KCNJ4: variants seen among roughly 807,000 people sequenced by gnomAD.
KCNJ4 encodes potassium inwardly rectifying channel subfamily J member 4.
Under a neutral mutation model 25.6 loss-of-function variants are expected in KCNJ4, and 3 were observed. That is an observed-to-expected ratio of 0.12 (90% CI 0.05 to 0.30). The LOEUF (loss-of-function observed/expected upper bound fraction) is 0.30, where lower values mean the gene tolerates loss of function less well. Among genes scored for constraint, KCNJ4 ranks in the 10% least tolerant of loss-of-function variants. KCNJ4 has a pLI of 1.00. For missense variants in KCNJ4, 286 were observed against 666.8 expected, an observed-to-expected ratio of 0.43 and a Z score of 6.29; for synonymous variants, 257 against 283.9, an observed-to-expected ratio of 0.91 and a Z score of 0.95.
At chr22:38,432,209 T>C (rs1405482787) in intron 1 of KCNJ4, among the ~76,000 whole-genome samples, 4 of 151,032 alleles carry the variant, frequency 2.6e-5, no homozygotes, top group African/African-American at 2.4e-5. Flanking sequence ...TGAGCCAAGA[T>C]TGAGTGACCG....
intron 1 of KCNJ4, among the ~76,000 whole-genome samples, chr22:38,454,515 C>T (rs1179171023): frequency 6.6e-6 from 1 of 152,172 alleles, no homozygotes; most frequent in African/African-American, 2.4e-5. Flanking sequence ...GGTCGTGTGG[C>T]GCCAAGTAGG....
intron 1 of KCNJ4, among the ~76,000 whole-genome samples, chr22:38,441,422 C>T (rs2089332327): frequency 6.6e-6 from 1 of 152,168 alleles, no homozygotes; most frequent in African/African-American, 2.4e-5. Context: ...CATCCCCGCA[C>T]TCCAGCATGG....
rs558655191 is a variant in KCNJ4, at chr22:38,426,553, C to T, written c.*242G>A. On this transcript the variant is annotated 3_prime_UTR_variant, in exon 2 of 2. Transcript: ENST00000303592. ...GTCAGTGGGGGAAGGGTGGTGGATC[C>T]GGGGACCTAGAGCCACCAGAAGTAG... is the stretch of plus-strand genomic sequence containing the variant. 9 of 505,150 alleles carry T rather than the reference C, an allele frequency of 1.8e-5. No individual in the cohort carries two copies. Among genetic ancestry groups the T allele is most frequent in the African/African-American group, 3.9e-5 (2 of 51,930 alleles). The allele number at this position is 505,150 out of a possible 1,614,324, so 31.3% of individuals were successfully genotyped here. A position where few individuals can be genotyped will look rare whatever the true frequency, so the allele number is the denominator to read the frequency against.
chr22:38,442,544 C>A (rs369749301), intron 1 of KCNJ4, among the ~76,000 whole-genome samples: 268 of 93,828 alleles, frequency 2.9e-3, no homozygotes, highest in South Asian at 4.7e-3. Context: ...AAGACTCCAT[C>A]AAAAAAAAAA....
chr22:38,440,069 G>C (rs1490658068), intron 1 of KCNJ4, among the ~76,000 whole-genome samples: 1 of 147,520 alleles, frequency 6.8e-6, no homozygotes, highest in Non-Finnish European at 1.5e-5. Context: ...CTGCACTCCA[G>C]CCTGGGTGAC....
At chr22:38,435,166 C>A (rs1320700168) in intron 1 of KCNJ4, among the ~76,000 whole-genome samples, 1 of 152,124 alleles carries the variant, frequency 6.6e-6, no homozygotes, top group South Asian at 2.1e-4. Flanking sequence ...ATGTACAAAA[C>A]GAGGCACCCA....
chr22:38,434,395 C>T (rs2145936247), intron 1 of KCNJ4, among the ~76,000 whole-genome samples: 1 of 152,342 alleles, frequency 6.6e-6, no homozygotes, highest in East Asian at 1.9e-4. Context: ...CTCATTGAAG[C>T]ATCACTGTAT....
At chr22:38,442,445 G>A (rs910729637) in intron 1 of KCNJ4, among the ~76,000 whole-genome samples, 6 of 151,236 alleles carry the variant, frequency 4.0e-5, no homozygotes, top group East Asian at 2.0e-4. Context: ...TACTCGGGAG[G>A]CTGAGGAAGG....
intron 1 of KCNJ4, among the ~76,000 whole-genome samples, chr22:38,446,015 C>G (rs1176300636): frequency 2.0e-5 from 3 of 152,218 alleles, no homozygotes; most frequent in Admixed American, 6.5e-5. Flanking sequence ...AACAGGGACT[C>G]TTTGGGGTCT....
intron 1 of KCNJ4, among the ~76,000 whole-genome samples, chr22:38,446,055 T>C (rs1161089382): frequency 1.3e-5 from 2 of 152,204 alleles, no homozygotes; most frequent in Non-Finnish European, 2.9e-5. Flanking sequence ...GGTCTTTTAA[T>C]AGAGCCCCCT....
chr22:38,441,953 A>T (rs991536577), intron 1 of KCNJ4, among the ~76,000 whole-genome samples: 1 of 152,238 alleles, frequency 6.6e-6, no homozygotes, highest in Non-Finnish European at 1.5e-5. Flanking sequence ...GGCAACAGTG[A>T]TGAGCGGTGA....
intron 1 of KCNJ4, among the ~76,000 whole-genome samples, chr22:38,451,269 T>C (rs1236001428): frequency 6.6e-6 from 1 of 152,166 alleles, no homozygotes; most frequent in Non-Finnish European, 1.5e-5. Context: ...CAGGTGCTCA[T>C]CTGGCTCTGC....
At chr22:38,431,511 G>C (rs888099578) in intron 1 of KCNJ4, among the ~76,000 whole-genome samples, 1 of 152,190 alleles carries the variant, frequency 6.6e-6, no homozygotes, top group Non-Finnish European at 1.5e-5. Context: ...CCCACAGCAG[G>C]TGTCCTGAGC....
intron 1 of KCNJ4, among the ~76,000 whole-genome samples, chr22:38,451,522 G>T (rs536868044): frequency 1.8e-4 from 27 of 152,206 alleles, no homozygotes; most frequent in Non-Finnish European, 3.5e-4. Context: ...GGGGTGAGGG[G>T]ATCTGGAGAG....
intron 1 of KCNJ4, among the ~76,000 whole-genome samples, chr22:38,435,881 C>A (rs2093064100): frequency 6.6e-6 from 1 of 152,060 alleles, no homozygotes; most frequent in South Asian, 2.1e-4. Context: ...GCCCACGGCT[C>A]TTTGAGCTGT....
Position 38,447,472 on chromosome 22 carries a change from C to T in KCNJ4, c.-40+7508G>A, listed in dbSNP as rs1462581728. On this transcript the variant is annotated intron_variant, in intron 1 of 1. Coordinates refer to ENST00000303592, the MANE Select transcript of KCNJ4 (RefSeq NM_152868.3). ...CCTCCCCTGTATGGCCCCAAGGAGC[C>T]CCTAATTGCGGACCCCATCCCATTT... Among the ~76,000 whole-genome samples the T allele has an allele frequency of 2.6e-5, 4 of 152,234 alleles. No individual in the cohort carries two copies. The South Asian group carries it at 8.3e-4, about 32-fold the overall frequency.
intron 1 of KCNJ4, among the ~76,000 whole-genome samples, chr22:38,434,115 G>T (rs139730971): frequency 3.9e-5 from 6 of 152,294 alleles, no homozygotes; most frequent in African/African-American, 1.2e-4. Context: ...CTCCAGCCCT[G>T]CCTGAAACTC....
At position 38,427,133 on chromosome 22, in the gene KCNJ4, A is replaced by C. The variant is rs1296373398; in HGVS notation, c.1000T>G (p.Ser334Ala). 6.2e-7 allele frequency: 1 copy of C among 1,613,032 alleles called. No individual in the cohort carries two copies. The stretch of plus-strand genomic sequence containing the variant: ...ACCTCGTAGGTCTTGTGAAAACGTG[A>C]GTAGTCCACCTTGTAGTGGCTCTTC... ...EEKSHYKVDY[S>A]RFHKTYEVAG... Residue 334 changes from serine to alanine, a missense_variant, in exon 2 of 2, where the codon TCA becomes GCA. By Grantham distance (99) the Ser-to-Ala change is moderately conservative. Around this residue, in one of 11 missense-constraint regions of KCNJ4, gnomAD observed 36 missense variants for 100.1 expected, o/e 0.36. Coordinates refer to ENST00000303592, the MANE Select transcript of KCNJ4 (RefSeq NM_152868.3).
chr22:38,434,489 T>C (rs1449077036), intron 1 of KCNJ4, among the ~76,000 whole-genome samples: 2 of 152,166 alleles, frequency 1.3e-5, no homozygotes, highest in Non-Finnish European at 2.9e-5. Context: ...GCTGAAGAAT[T>C]GCAGGCTACA....
Sources: allele counts gnomAD v4.1 joint callset (sites outside exome capture counted in the v4.1 genomes callset), GRCh38; gene constraint gnomAD v4.1.1; regional missense constraint gnomAD v4.1.1; transcripts MANE v1.5; gene names NCBI Gene and HGNC (gene_info 2026-07-23, HGNC 2026-07-21).